The following CHCHD3 variants were observed in gnomAD, a reference collection of about 807,000 sequenced individuals.
The protein encoded by CHCHD3 is MICOS complex subunit MIC19.
A neutral mutation model predicts 38.2 loss-of-function variants in CHCHD3; 20 were observed. The observed-to-expected ratio is 0.52, with a 90% CI of 0.37 to 0.76. The LOEUF (loss-of-function observed/expected upper bound fraction) is 0.76. Ranked by LOEUF, CHCHD3 falls within the 30% of genes least tolerant of loss-of-function variation. CHCHD3 has a pLI of 0.00. For missense variants in CHCHD3, 245 were observed against 279.2 expected (o/e 0.88, Z 0.87); for synonymous variants, 82 against 100.0 (o/e 0.82, Z 1.07).
intron 4 of CHCHD3, among the ~76,000 whole-genome samples, chr7:132,911,360 C>A (rs1203720802): frequency 6.6e-6 from 1 of 152,138 alleles, no homozygotes; most frequent in Admixed American, 6.5e-5. Flanking sequence ...TCTTCAGGCA[C>A]AGAGCAGCAA....
chr7:133,035,737 C>CA lies in CHCHD3; in HGVS notation c.170-11111dup. Reference sequence around the variant, plus strand: ...AACACACAGAATCCATCATCACCCTCAAATGCTGGGACCTTGCCGGCAGGA... The same window carrying CA: ...AACACACAGAATCCATCATCACCCTCAAAATGCTGGGACCTTGCCGGCAGGA... On this transcript the variant is annotated intron_variant, in intron 2 of 7. Transcript: ENST00000262570. This position sits in a 1 kb window ranked among gnomAD's most constrained non-coding sequence, Gnocchi z 4.7. The CA allele has an allele frequency of 1.9e-6, 3 of 1,613,424 alleles. No homozygotes were observed. The highest frequency in any genetic ancestry group is 2.5e-6 in the Non-Finnish European group (3 of 1,179,426).
intron 4 of CHCHD3, among the ~76,000 whole-genome samples, chr7:132,974,284 C>A (rs1453123041): frequency 6.6e-6 from 1 of 152,066 alleles, no homozygotes; most frequent in East Asian, 1.9e-4. Context: ...TCTTTTAAAC[C>A]TTCTTCTGTC....
intron 4 of CHCHD3, among the ~76,000 whole-genome samples, chr7:132,907,238 A>G (rs1809822856): frequency 6.6e-6 from 1 of 152,132 alleles, no homozygotes; most frequent in Non-Finnish European, 1.5e-5. Flanking sequence ...ATAAACCACA[A>G]TCCTAAAGCT....
chr7:133,040,767 A>C (rs1813812073), intron 2 of CHCHD3, among the ~76,000 whole-genome samples: 1 of 152,170 alleles, frequency 6.6e-6, no homozygotes, highest in African/African-American at 2.4e-5. Flanking sequence ...TTTAGTTTGC[A>C]GATCCAGCCA....
At chr7:132,967,827 CAAAAA>C (rs11290365) in intron 4 of CHCHD3, among the ~76,000 whole-genome samples, 1 of 127,976 alleles carries the variant, frequency 7.8e-6, no homozygotes. Flanking sequence ...GACCCTGTCT[CAAAAA>C]AAAAAAAAAA....
chr7:132,801,965 G>A (rs1806804896), intron 6 of CHCHD3, among the ~76,000 whole-genome samples: 1 of 152,080 alleles, frequency 6.6e-6, no homozygotes, highest in African/African-American at 2.4e-5. Context: ...AGGACCCTGA[G>A]TAAAAGCCCT....
At chr7:132,947,348 C>T (rs1378738905) in intron 4 of CHCHD3, among the ~76,000 whole-genome samples, 2 of 151,714 alleles carry the variant, frequency 1.3e-5, no homozygotes, top group Non-Finnish European at 2.9e-5. Context: ...TCCTTCCTTT[C>T]AAAACAAATT....
chr7:132,962,962 T>C (rs887560885), intron 4 of CHCHD3, among the ~76,000 whole-genome samples: 1 of 152,060 alleles, frequency 6.6e-6, no homozygotes, highest in Non-Finnish European at 1.5e-5. Context: ...ATAAAGAATA[T>C]TATTGAGAAA....
At chr7:133,046,842 C>A (rs945606183) in intron 2 of CHCHD3, among the ~76,000 whole-genome samples, 1 of 152,164 alleles carries the variant, frequency 6.6e-6, no homozygotes, top group Non-Finnish European at 1.5e-5. Context: ...GGATTACAGG[C>A]GTGAGCCACC....
intron 4 of CHCHD3, among the ~76,000 whole-genome samples, chr7:132,892,981 G>T (rs113827699): frequency 6.6e-6 from 1 of 152,178 alleles, no homozygotes; most frequent in African/African-American, 2.4e-5. Flanking sequence ...AAGGGAAATG[G>T]GGGGTTGGAG....
At chr7:132,997,457 A>T (rs1451143832) in intron 3 of CHCHD3, among the ~76,000 whole-genome samples, 1 of 152,140 alleles carries the variant, frequency 6.6e-6, no homozygotes, top group Non-Finnish European at 1.5e-5. Context: ...GTACCAAAAA[A>T]AAGTATGCTA....
At chr7:132,879,714 A>T (rs919601544) in intron 5 of CHCHD3, among the ~76,000 whole-genome samples, 1 of 131,822 alleles carries the variant, frequency 7.6e-6, no homozygotes, top group Admixed American at 7.9e-5. Context: ...CTTTGTCAAA[A>T]GTAAAAAAAA....
intron 4 of CHCHD3, among the ~76,000 whole-genome samples, chr7:132,955,170 G>A (rs953240644): frequency 7.5e-6 from 1 of 134,136 alleles, no homozygotes; most frequent in Non-Finnish European, 1.6e-5. Context: ...TTTTCCCTCA[G>A]AGGGTGTGTG....
chr7:132,904,439 A>C (rs2117208498), intron 4 of CHCHD3, among the ~76,000 whole-genome samples: 1 of 152,344 alleles, frequency 6.6e-6, no homozygotes, highest in African/African-American at 2.4e-5. Context: ...TAGCATACTA[A>C]GCAATATCTC....
intron 2 of CHCHD3, among the ~76,000 whole-genome samples, chr7:133,067,241 C>A (rs1212729218): frequency 1.3e-5 from 2 of 152,070 alleles, no homozygotes; most frequent in Non-Finnish European, 2.9e-5. Context: ...TCATCATGAT[C>A]ATCACGCTAA....
intron 3 of CHCHD3, among the ~76,000 whole-genome samples, chr7:132,986,965 C>G (rs1466315416): frequency 6.6e-6 from 1 of 152,086 alleles, no homozygotes; most frequent in African/African-American, 2.4e-5. Context: ...AAGGTCTACA[C>G]AATAAGAACC....
At chr7:133,034,757 T>C in intron 2 of CHCHD3, 1 of 1,613,682 alleles carries the variant, frequency 6.2e-7, no homozygotes, top group Non-Finnish European at 8.5e-7. Flanking sequence ...CCTGCCAATC[T>C]GGACTCAGCG....
chr7:133,018,403 T>C (rs1292983149), intron 3 of CHCHD3, among the ~76,000 whole-genome samples: 6 of 152,238 alleles, frequency 3.9e-5, no homozygotes, highest in Admixed American at 3.3e-4. Flanking sequence ...CCTGTGTCAG[T>C]TGTGACTGCA....
rs116054662 is a variant in CHCHD3, at chr7:132,927,047, G to A, written c.370-41302C>T. Among the ~76,000 whole-genome samples the A allele has an allele frequency of 3.0e-3, 459 of 152,264 alleles. 1 individual carries two copies. Among genetic ancestry groups the A allele is most frequent in the African/African-American group, 0.011 (440 of 41,542 alleles). ...GCTATGATTAGAATTCAAAGTCTGA[G>A]GGAACTTTAGGGAGCACAGGCTATT... is the stretch of plus-strand genomic sequence containing the variant. On this transcript the variant is annotated intron_variant, in intron 4 of 7. Transcript: ENST00000262570.
Sources: gnomAD v4.1 joint callset for allele counts (sites outside exome capture counted in the v4.1 genomes callset) on GRCh38, gnomAD v4.1.1 for gene constraint, Gnocchi (gnomAD v3.1) non-coding constraint, MANE v1.5 for transcripts, NCBI Gene and HGNC (gene_info 2026-07-23, HGNC 2026-07-21) for gene names.